The following C19orf33 variants were observed in gnomAD, a reference collection of about 807,000 sequenced individuals.
C19orf33 encodes the protein immortalization up-regulated protein.
Under a neutral mutation model 9.7 loss-of-function variants are expected in C19orf33, and 9 were observed. The ratio of observed to expected loss-of-function variants is 0.93; its 90% CI spans 0.56 to 1.61. The LOEUF is 1.61. C19orf33 is among the 40% of genes most tolerant of loss of function. C19orf33 has a pLI of 0.00. For synonymous variants in C19orf33, 61 were observed against 54.8 expected (o/e 1.11, Z -0.50); for missense variants, 145 against 137.9 (o/e 1.05, Z -0.26).
intron 1 of C19orf33, 39 bp downstream of exon 1, chr19:38,304,322 C>G: frequency 6.2e-7 from 1 of 1,613,034 alleles, no homozygotes; most frequent in Non-Finnish European, 8.5e-7. Context: ...GTGCAGGGGG[C>G]CGGACTCAAG....
rs1968906954 is a variant in C19orf33 at position 38,304,642 on chromosome 19, TC to T, written c.159del (p.Asp54ThrfsTer13). ...CATCCAGCAAGGACACCACAGCTCT[TC>T]CGACTCCAGCAGCAGCTCCAGCGAT... ...PGPKQGHHSSSDSSSSSSDSD... is the reference protein window; with the variant it reads ...PGPKQGHHSSXDSSSSSSDSD... On this transcript the variant is annotated frameshift_variant, in exon 3 of 4. Transcript: ENST00000301246. LOFTEE classifies it low-confidence loss of function (END_TRUNC). 4.3e-6 allele frequency: 7 copies of T among 1,613,520 alleles called. No individual in the cohort carries two copies. The East Asian group carries it at 1.6e-4, about 36-fold the overall frequency.
chr19:38,304,862 C>G lies in C19orf33; in HGVS notation c.219C>G (p.Ser73=). The change falls in exon 4 of 4, where the codon TCC becomes TCG. Residue 73 remains serine, a synonymous_variant. Transcript: ENST00000301246. ...CCCCACAGTCCCACGCTGCTGGCTCCAAGCAGCACGAGAGCATCCCGGGCA... is the reference window on the plus strand; with the variant it reads ...CCCCACAGTCCCACGCTGCTGGCTCGAAGCAGCACGAGAGCATCCCGGGCA... The part of the protein sequence containing the change: ...DTDVKSHAAG[S]KQHESIPGKA... The G allele has an allele frequency of 6.2e-7, 1 of 1,613,770 alleles. No homozygotes were observed. Among genetic ancestry groups the G allele is most frequent in the Non-Finnish European group, 8.5e-7 (1 of 1,179,980 alleles).
At position 38,304,971 on chromosome 19, in the gene C19orf33, C is replaced by G. The variant is rs1312043609; in HGVS notation, c.*7C>G. 6.3e-7 allele frequency: 1 copy of G among 1,593,102 alleles called. No individual in the cohort carries two copies. The highest frequency in any genetic ancestry group is 8.5e-7 in the Non-Finnish European group (1 of 1,170,554). The stretch of plus-strand genomic sequence containing the variant: ...GAAGGAGGCTCCCCACTGAAGGGCC[C>G]TGGACAGGGCTCATTAAACCTTCCT... On this transcript the variant is annotated 3_prime_UTR_variant, in exon 4 of 4. Coordinates refer to ENST00000301246, the MANE Select transcript of C19orf33 (RefSeq NM_033520.3).
intron 2 of C19orf33, 24 bp from the exon 3 acceptor site, chr19:38,304,600 C>T: frequency 6.2e-7 from 1 of 1,613,108 alleles, no homozygotes; most frequent in Non-Finnish European, 8.5e-7. Flanking sequence ...AGGGGCGCCG[C>T]CTCACTGCCG....
chr19:38,304,418 C>T lies in C19orf33; in HGVS notation c.66C>T (p.His22=), dbSNP rs1300026178. ...TSQKPGVGAG[H]GGDPKLSPHK... ...AGAAGCCCGGTGTGGGGGCGGGCCA[C>T]GGGGGAGATCCCAAGCTCAGTCCCC... is the stretch of plus-strand genomic sequence containing the variant. Residue 22 remains histidine, a synonymous_variant, in exon 2 of 4, where the codon CAC becomes CAT. Transcript: ENST00000301246. The T allele has an allele frequency of 7.0e-6, 11 of 1,562,546 alleles. No individual in the cohort carries two copies. Among genetic ancestry groups the T allele is most frequent in the Non-Finnish European group, 9.5e-6 (11 of 1,154,054 alleles).
Position 38,304,452 on chromosome 19 carries a change from C to G in C19orf33, c.100C>G (p.Gln34Glu). The G allele has an allele frequency of 6.4e-7, 1 of 1,556,830 alleles. No homozygotes were observed. Among genetic ancestry groups the G allele is most frequent in the Non-Finnish European group, 8.7e-7 (1 of 1,150,794 alleles). ...TCCCAAGCTCAGTCCCCACAAAGTT[C>G]AGGGCCGGTCGGAGGCAGGGGCAGG... ...GDPKLSPHKV[Q>E]GRSEAGAGPG... The change falls in exon 2 of 4, where the codon CAG becomes GAG. Residue 34 changes from glutamine to glutamate, a missense_variant. By Grantham distance (29) the Gln-to-Glu change is conservative. Coordinates refer to ENST00000301246, the MANE Select transcript of C19orf33 (RefSeq NM_033520.3).
rs139805446 is a variant in C19orf33 at position 38,304,906 on chromosome 19, TGAAGAA to T, written c.268_273del (p.Lys90_Lys91del). On this transcript the variant is annotated inframe_deletion, in exon 4 of 4. Coordinates refer to ENST00000301246, the MANE Select transcript of C19orf33 (RefSeq NM_033520.3). ...CCGGGCAAGGCCAAGAAGCCCAAAGTGAAGAAGAAGGAGAAGGGCAAGAAGGAGAAG... is the reference window on the plus strand; with the variant it reads ...CCGGGCAAGGCCAAGAAGCCCAAAGTGAAGGAGAAGGGCAAGAAGGAGAAG... 1.2e-5 allele frequency: 19 copies of T among 1,551,528 alleles called. No individual in the cohort carries two copies. The highest frequency in any genetic ancestry group is 1.8e-4 in the Middle Eastern group (1 of 5,698).
chr19:38,304,937 G>T lies in C19orf33; in HGVS notation c.294G>T (p.Lys98Asn). ...AGAAGGAGAAGGGCAAGAAGGAGAAGGGCAAGAAGAAGGAGGCTCCCCACT... is the reference window on the plus strand; with the variant it reads ...AGAAGGAGAAGGGCAAGAAGGAGAATGGCAAGAAGAAGGAGGCTCCCCACT... ...VKKKEKGKKE[K>N]GKKKEAPH The change falls in exon 4 of 4, where the codon AAG (lysine) becomes AAT (asparagine). Residue 98 changes from lysine (K) to asparagine (N), a missense_variant. Lys to Asn is a moderately conservative substitution (Grantham distance 94). Coordinates refer to ENST00000301246, the MANE Select transcript of C19orf33 (RefSeq NM_033520.3). The T allele has an allele frequency of 1.2e-6, 2 of 1,611,432 alleles. No individual in the cohort carries two copies. The highest frequency in any genetic ancestry group is 2.2e-5 in the South Asian group (2 of 90,860).
Position 38,304,634 on chromosome 19 carries a change from A to G in C19orf33, c.149A>G (p.His50Arg). 1 of 1,613,434 alleles carries G rather than the reference A, an allele frequency of 6.2e-7. No homozygotes were observed. Among genetic ancestry groups the G allele is most frequent in the Non-Finnish European group, 8.5e-7 (1 of 1,179,940 alleles). ...CGCACCTCCATCCAGCAAGGACACC[A>G]CAGCTCTTCCGACTCCAGCAGCAGC... is the stretch of plus-strand genomic sequence containing the variant. Reference protein sequence around the residue: ...GAGPGPKQGHHSSSDSSSSSS... With the variant: ...GAGPGPKQGHRSSSDSSSSSS... Residue 50 changes from histidine to arginine, a missense_variant, in exon 3 of 4, where the codon CAC becomes CGC. Coordinates refer to ENST00000301246, the MANE Select transcript of C19orf33 (RefSeq NM_033520.3).
At position 38,304,411 on chromosome 19, in the gene C19orf33, C is replaced by G; in HGVS notation, c.59C>G (p.Ala20Gly). The change falls in exon 2 of 4, where the codon GCG becomes GGG. Residue 20 changes from alanine (A) to glycine (G), a missense_variant. Transcript: ENST00000301246. ...ACCTCCCAGAAGCCCGGTGTGGGGG[C>G]GGGCCACGGGGGAGATCCCAAGCTC... ...EPTSQKPGVG[A>G]GHGGDPKLSP... 2 of 1,565,850 alleles carry G rather than the reference C, an allele frequency of 1.3e-6. No homozygotes were observed. The highest frequency in any genetic ancestry group is 1.7e-6 in the Non-Finnish European group (2 of 1,155,884).
chr19:38,304,791 C>A, intron 3 of C19orf33, 54 bp from the exon 4 acceptor site: 5 of 1,612,832 alleles, frequency 3.1e-6, no homozygotes, highest in Non-Finnish European at 3.4e-6. Context: ...CCCCCTGTCT[C>A]GCTTCCAGCC....
chr19:38,304,635 C>T lies in C19orf33; in HGVS notation c.150C>T (p.His50=). The change falls in exon 3 of 4, where the codon CAC becomes CAT. Residue 50 remains histidine (H), a synonymous_variant. Coordinates refer to ENST00000301246, the MANE Select transcript of C19orf33 (RefSeq NM_033520.3). ...GAGPGPKQGH[H]SSSDSSSSSS... is the part of the protein sequence containing the mutation. ...GCACCTCCATCCAGCAAGGACACCA[C>T]AGCTCTTCCGACTCCAGCAGCAGCT... 6.2e-7 allele frequency: 1 copy of T among 1,613,552 alleles called. No homozygotes were observed. The highest frequency in any genetic ancestry group is 8.5e-7 in the Non-Finnish European group (1 of 1,179,986).
In C19orf33 at chr19:38,304,420, G is replaced by A; in HGVS notation, c.68G>A (p.Gly23Glu). 1 of 1,562,772 alleles carries A rather than the reference G, an allele frequency of 6.4e-7. No homozygotes were observed. Among genetic ancestry groups the A allele is most frequent in the South Asian group, 1.2e-5 (1 of 85,398 alleles). ...SQKPGVGAGH[G>E]GDPKLSPHKV... is the part of the protein sequence containing the mutation. ...AAGCCCGGTGTGGGGGCGGGCCACGGGGGAGATCCCAAGCTCAGTCCCCAC... is the reference window on the plus strand; with the variant it reads ...AAGCCCGGTGTGGGGGCGGGCCACGAGGGAGATCCCAAGCTCAGTCCCCAC... Residue 23 changes from glycine (G) to glutamate (E), a missense_variant, in exon 2 of 4, where the codon GGG (glycine) becomes GAG (glutamate). By Grantham distance (98) the Gly-to-Glu change is moderately conservative (BLOSUM62 -2). Transcript: ENST00000301246.
rs772301397 is a variant in C19orf33, at chr19:38,304,886, C to T, written c.243C>T (p.Gly81=). Residue 81 remains glycine, a synonymous_variant, in exon 4 of 4, where the codon GGC becomes GGT. Coordinates refer to ENST00000301246, the MANE Select transcript of C19orf33 (RefSeq NM_033520.3). ...CCAAGCAGCACGAGAGCATCCCGGG[C>T]AAGGCCAAGAAGCCCAAAGTGAAGA... ...AGSKQHESIP[G]KAKKPKVKKK... 1 of 1,613,460 alleles carries T rather than the reference C, an allele frequency of 6.2e-7. No individual in the cohort carries two copies. Among genetic ancestry groups the T allele is most frequent in the South Asian group, 1.1e-5 (1 of 91,048 alleles).
intron 2 of C19orf33, 55 bp downstream of exon 2, chr19:38,304,545 AC>A (rs1362679647): frequency 6.3e-7 from 1 of 1,589,636 alleles, no homozygotes; most frequent in Non-Finnish European, 8.6e-7. Context: ...GTTGCCCCTG[AC>A]CCCAGGGTCC....
intron 2 of C19orf33, 21 bp downstream of exon 2, chr19:38,304,511 CTGCGGAGGGGCGGGAAGGCTGGGGT>C: frequency 6.4e-7 from 1 of 1,563,774 alleles, no homozygotes; most frequent in Non-Finnish European, 8.7e-7. Flanking sequence ...TCATCACCGG[CTGCGGAGGGGCGGGAAGGCTGGGGT>C]TGCCCCTGAC....
intron 3 of C19orf33, 76 bp from the exon 4 acceptor site, chr19:38,304,769 G>T: frequency 1.2e-6 from 2 of 1,612,072 alleles, no homozygotes; most frequent in Non-Finnish European, 1.7e-6. Flanking sequence ...CGGGGAGGGT[G>T]CGGGGAGTGG....
intron 3 of C19orf33, 30 bp from the exon 4 acceptor site, chr19:38,304,815 T>A: frequency 6.2e-7 from 1 of 1,613,446 alleles, no homozygotes; most frequent in Non-Finnish European, 8.5e-7. Flanking sequence ...AACCATCTCT[T>A]CTCTCCCATC....
intron 3 of C19orf33, 54 bp from the exon 4 acceptor site, chr19:38,304,791 C>G (rs1423620182): frequency 6.2e-7 from 1 of 1,612,714 alleles, no homozygotes; most frequent in Non-Finnish European, 8.5e-7. Flanking sequence ...CCCCCTGTCT[C>G]GCTTCCAGCC....
Sources: gnomAD v4.1 joint callset for allele counts on GRCh38, gnomAD v4.1.1 for gene constraint, MANE v1.5 for transcripts, NCBI Gene and HGNC (gene_info 2026-07-23, HGNC 2026-07-21) for gene names.